Variants in FRMD4A observed in about 807,000 individuals in gnomAD.
FRMD4A encodes FERM domain containing 4A, also known as FERM domain-containing protein 4A.
In FRMD4A, 29 loss-of-function variants were observed where a neutral mutation model predicts 129.1. That is an observed-to-expected ratio of 0.22 (90% CI 0.17 to 0.31). The LOEUF is 0.31. FRMD4A is among the 10% of genes least tolerant of loss of function. The pLI is 1.00. For synonymous variants in FRMD4A, 634 were observed against 571.6 expected, an observed-to-expected ratio of 1.11 and a Z score of -1.56; for missense variants, 1,272 against 1,375.8, an observed-to-expected ratio of 0.92 and a Z score of 1.19.
intron 2 of FRMD4A, among the ~76,000 whole-genome samples, chr10:14,076,977 G>A (rs2131725883): frequency 6.6e-6 from 1 of 152,300 alleles, no homozygotes; most frequent in African/African-American, 2.4e-5. Flanking sequence ...GGTTCTCAAG[G>A]GAGAGGGAAG....
intron 2 of FRMD4A, chr10:14,007,567 A>T (rs75824490): frequency 6.5e-6 from 1 of 153,182 alleles, no homozygotes; most frequent in African/African-American, 2.4e-5. Flanking sequence ...ATTTGGGGGG[A>T]AAAAAGCATG....
intron 2 of FRMD4A, among the ~76,000 whole-genome samples, chr10:14,013,838 G>C (rs1021858124): frequency 2.6e-5 from 4 of 152,232 alleles, no homozygotes; most frequent in Non-Finnish European, 5.9e-5. Flanking sequence ...GGCTGAGGCA[G>C]GAGAATCACT....
At chr10:14,319,663 A>C (rs1216187612) in intron 2 of FRMD4A, among the ~76,000 whole-genome samples, 1 of 151,974 alleles carries the variant, frequency 6.6e-6, no homozygotes, top group Non-Finnish European at 1.5e-5. Flanking sequence ...ATTAGAATGC[A>C]CCTCTCTCAG....
intron 2 of FRMD4A, among the ~76,000 whole-genome samples, chr10:14,190,776 G>A (rs1289519874): frequency 6.6e-6 from 1 of 152,208 alleles, no homozygotes; most frequent in Non-Finnish European, 1.5e-5. Flanking sequence ...ATCTGTGCTG[G>A]CTCCAAGGCA....
At chr10:14,195,218 G>C (rs556048297) in intron 2 of FRMD4A, among the ~76,000 whole-genome samples, 1 of 152,172 alleles carries the variant, frequency 6.6e-6, no homozygotes, top group East Asian at 1.9e-4. Context: ...TTGCTTGAGT[G>C]GAAACAGGCT....
intron 2 of FRMD4A, among the ~76,000 whole-genome samples, chr10:14,286,810 G>A (rs926118421): frequency 6.6e-6 from 1 of 152,044 alleles, no homozygotes; most frequent in Non-Finnish European, 1.5e-5. Context: ...AGGCAGGGAT[G>A]ACACCAAGGG....
chr10:13,788,992 A>G (rs1038888152), intron 5 of FRMD4A, among the ~76,000 whole-genome samples: 4 of 152,128 alleles, frequency 2.6e-5, no homozygotes, highest in Non-Finnish European at 5.9e-5. Flanking sequence ...GAATCACTGA[A>G]TATTTACAGC....
intron 2 of FRMD4A, among the ~76,000 whole-genome samples, chr10:13,914,552 G>T (rs2094978367): frequency 6.6e-6 from 1 of 152,024 alleles, no homozygotes; most frequent in African/African-American, 2.4e-5. Context: ...TTATCCCTTG[G>T]TTGCATTTAT....
At chr10:14,307,320 A>G (rs1234167099) in intron 2 of FRMD4A, among the ~76,000 whole-genome samples, 1 of 152,236 alleles carries the variant, frequency 6.6e-6, no homozygotes, top group Non-Finnish European at 1.5e-5. Context: ...CCAATCAGGG[A>G]GAATGTCCAC....
At chr10:14,296,366 T>C (rs1275900837) in intron 2 of FRMD4A, among the ~76,000 whole-genome samples, 1 of 152,224 alleles carries the variant, frequency 6.6e-6, no homozygotes, top group Non-Finnish European at 1.5e-5. Flanking sequence ...CAGAATTCTC[T>C]GCTCAACCTC....
chr10:14,174,270 T>TCTCCCTCTCCCGCGCTCTCTCTC (rs1841617984), intron 2 of FRMD4A, among the ~76,000 whole-genome samples: 1 of 151,954 alleles, frequency 6.6e-6, no homozygotes, highest in East Asian at 1.9e-4. Context: ...CCTCTCTCTT[T>TCTCCCTCTCCCGCGCTCTCTCTC]CTCCCTCTCC....
chr10:13,956,175 C>T (rs151119488), intron 2 of FRMD4A, among the ~76,000 whole-genome samples: 211 of 152,068 alleles, frequency 1.4e-3, no homozygotes, highest in Non-Finnish European at 2.4e-3. Flanking sequence ...TTTTTTTAGA[C>T]AGAGTCTCAC....
At chr10:13,845,165 C>T (rs7920594) in intron 3 of FRMD4A, among the ~76,000 whole-genome samples, 144,596 of 152,320 alleles carry the variant, frequency 0.95, 68,735 homozygotes, top group East Asian at 0.98. Context: ...TTTGACATCA[C>T]TGGAGCACAA....
intron 2 of FRMD4A, among the ~76,000 whole-genome samples, chr10:14,162,630 G>GTTTTT (rs556368229): frequency 8.5e-5 from 10 of 117,336 alleles, no homozygotes; most frequent in African/African-American, 3.5e-4. Flanking sequence ...GAGTTTCTCT[G>GTTTTT]TTTTTTTTTT....
At chr10:13,912,123 A>C (rs1385909964) in intron 2 of FRMD4A, among the ~76,000 whole-genome samples, 3 of 152,216 alleles carry the variant, frequency 2.0e-5, no homozygotes, top group Non-Finnish European at 4.4e-5. Flanking sequence ...CTAACAGTAA[A>C]TATTTTAACT....
At chr10:13,851,479 C>T (rs1443057655) in intron 3 of FRMD4A, among the ~76,000 whole-genome samples, 1 of 152,142 alleles carries the variant, frequency 6.6e-6, no homozygotes, top group East Asian at 1.9e-4. Context: ...ATACTTATAG[C>T]CTCTCCCCAT....
chr10:13,686,185 C>A (rs558081531), intron 15 of FRMD4A, among the ~76,000 whole-genome samples: 1 of 152,176 alleles, frequency 6.6e-6, no homozygotes, highest in Non-Finnish European at 1.5e-5. Context: ...ATTGTTAGAC[C>A]TAAAAGGAGA....
chr10:14,267,433 C>T (rs1217268063), intron 2 of FRMD4A, among the ~76,000 whole-genome samples: 1 of 152,124 alleles, frequency 6.6e-6, no homozygotes, highest in East Asian at 1.9e-4. Flanking sequence ...TGGAAGTAAC[C>T]TGTCATGTCA....
chr10:14,268,444 A>G (rs990088212), intron 2 of FRMD4A, among the ~76,000 whole-genome samples: 6 of 152,188 alleles, frequency 3.9e-5, no homozygotes, highest in Non-Finnish European at 5.9e-5. Context: ...TCAGCCTGAG[A>G]TCTACTTATT....
Sources: gnomAD v4.1 joint callset for allele counts (sites outside exome capture counted in the v4.1 genomes callset) on GRCh38, gnomAD v4.1.1 for gene constraint, MANE v1.5 for transcripts, NCBI Gene and HGNC (gene_info 2026-07-23, HGNC 2026-07-21) for gene names.